RORA: variants seen among roughly 807,000 people sequenced by gnomAD.
The protein encoded by RORA is nuclear receptor ROR-alpha.
In RORA, 7 loss-of-function variants were observed where a neutral mutation model predicts 69.5. The ratio of observed to expected loss-of-function variants is 0.10; its 90% CI spans 0.06 to 0.19. The LOEUF is 0.19. RORA is among the 10% of genes least tolerant of loss of function. The pLI is 1.00. For missense variants in RORA, 457 were observed against 663.0 expected, an observed-to-expected ratio of 0.69 and a Z score of 3.41; for synonymous variants, 261 against 240.8, an observed-to-expected ratio of 1.08 and a Z score of -0.78.
At chr15:60,723,919 G>C (rs2071324658) in intron 1 of RORA, among the ~76,000 whole-genome samples, 1 of 152,198 alleles carries the variant, frequency 6.6e-6, no homozygotes, top group African/African-American at 2.4e-5. Context: ...AGATGGATCT[G>C]TGTGGCACGG....
intron 1 of RORA, among the ~76,000 whole-genome samples, chr15:60,841,371 C>T (rs547492283): frequency 3.7e-4 from 57 of 152,298 alleles, no homozygotes; most frequent in Middle Eastern, 3.4e-3. Flanking sequence ...GTGGCTGCCG[C>T]GGCCACAGCC....
At chr15:61,004,410 G>A (rs1894847579) in intron 1 of RORA, among the ~76,000 whole-genome samples, 1 of 149,400 alleles carries the variant, frequency 6.7e-6, no homozygotes, top group Admixed American at 6.7e-5. Flanking sequence ...AAATAAGCCT[G>A]CGACCTTTTG....
At chr15:60,561,057 T>G (rs975448302) in intron 2 of RORA, among the ~76,000 whole-genome samples, 10 of 110,774 alleles carry the variant, frequency 9.0e-5, no homozygotes, top group African/African-American at 3.0e-4. Context: ...TTAACTTGTG[T>G]TTTTTTTTTT....
At chr15:61,163,345 G>C (rs569935196) in intron 1 of RORA, among the ~76,000 whole-genome samples, 4 of 152,102 alleles carry the variant, frequency 2.6e-5, no homozygotes, top group African/African-American at 7.2e-5. Context: ...AGCGATCAGC[G>C]TCATGATGAG....
chr15:61,163,301 G>C (rs543778144), intron 1 of RORA, among the ~76,000 whole-genome samples: 7 of 152,298 alleles, frequency 4.6e-5, no homozygotes, highest in African/African-American at 1.7e-4. Flanking sequence ...CCGTGTTCCA[G>C]GAGACACCAG....
Position 60,490,404 on chromosome 15 carries a change from A to C in RORA, c.*7051T>G, listed in dbSNP as rs2065023363. 6.6e-6 allele frequency: 1 copy of C among 152,144 alleles called. No individual in the cohort carries two copies. The highest frequency in any genetic ancestry group is 1.5e-5 in the Non-Finnish European group (1 of 67,984). The allele number at this position is 152,144 out of a possible 1,614,324, so 9.4% of individuals were successfully genotyped here. A position where few individuals can be genotyped will look rare whatever the true frequency, so the allele number is the denominator to read the frequency against. ...TATTGTGGATTTGATAAACAGATAA[A>C]TATTTGCACTGAGTAGGCTGTTTAT... On this transcript the variant is annotated 3_prime_UTR_variant, in exon 11 of 11. Coordinates refer to ENST00000335670, the MANE Select transcript of RORA (RefSeq NM_134261.3). The surrounding 1 kb of genome is among the most constrained non-coding windows in gnomAD (Gnocchi z 4.1).
chr15:61,200,614 G>C (rs1049747674), intron 1 of RORA, among the ~76,000 whole-genome samples: 1 of 152,194 alleles, frequency 6.6e-6, no homozygotes, highest in Admixed American at 6.5e-5. Flanking sequence ...TTGGGGTTTT[G>C]TTCACAATTG....
intron 2 of RORA, among the ~76,000 whole-genome samples, chr15:60,610,386 C>A (rs972650982): frequency 6.6e-6 from 1 of 152,132 alleles, no homozygotes; most frequent in East Asian, 1.9e-4. Flanking sequence ...ATCTTTCTAG[C>A]ACATCTGCAA....
intron 1 of RORA, among the ~76,000 whole-genome samples, chr15:61,208,570 A>T (rs1159427942): frequency 2.6e-5 from 4 of 152,216 alleles, no homozygotes; most frequent in Admixed American, 6.5e-5. Context: ...TTCAATAATA[A>T]TTTTTTTAAA....
At chr15:60,870,176 A>T (rs529537630) in intron 1 of RORA, among the ~76,000 whole-genome samples, 1 of 152,352 alleles carries the variant, frequency 6.6e-6, no homozygotes, top group South Asian at 2.1e-4. Flanking sequence ...TACAGAAACC[A>T]GGTGCTATTT....
chr15:60,944,053 G>C (rs993325980), intron 1 of RORA, among the ~76,000 whole-genome samples: 1 of 151,654 alleles, frequency 6.6e-6, no homozygotes, highest in African/African-American at 2.4e-5. Context: ...TCAGTCAGTC[G>C]TCCATTATCA....
At chr15:60,884,035 C>T (rs553155672) in intron 1 of RORA, among the ~76,000 whole-genome samples, 9 of 152,276 alleles carry the variant, frequency 5.9e-5, no homozygotes, top group Admixed American at 4.6e-4. Context: ...AAATGAGATT[C>T]GTTGGTTATA....
chr15:60,847,599 C>T (rs576587268), intron 1 of RORA, among the ~76,000 whole-genome samples: 4 of 151,910 alleles, frequency 2.6e-5, no homozygotes, highest in Non-Finnish European at 2.9e-5. Flanking sequence ...ATGTAGCTGT[C>T]GAGCACTTGA....
chr15:60,635,978 G>T (rs2069831132), intron 2 of RORA, among the ~76,000 whole-genome samples: 1 of 152,106 alleles, frequency 6.6e-6, no homozygotes, highest in Non-Finnish European at 1.5e-5. Flanking sequence ...TGTGGTTGTG[G>T]TGGTAGCAGT....
intron 1 of RORA, among the ~76,000 whole-genome samples, chr15:60,886,342 T>C (rs544320437): frequency 3.2e-4 from 49 of 152,166 alleles, no homozygotes; most frequent in Non-Finnish European, 6.2e-4. Flanking sequence ...TGGGGGCCCC[T>C]GGATATGTTT....
chr15:61,212,616 T>G (rs1016757498), intron 1 of RORA, among the ~76,000 whole-genome samples: 1 of 152,168 alleles, frequency 6.6e-6, no homozygotes, highest in African/African-American at 2.4e-5. Flanking sequence ...GGTCTTGAAC[T>G]CCTGACCTCA....
At chr15:60,713,666 G>A (rs75974763) in intron 1 of RORA, among the ~76,000 whole-genome samples, 1 of 152,244 alleles carries the variant, frequency 6.6e-6, no homozygotes, top group East Asian at 1.9e-4. Flanking sequence ...CTGTGTTCCA[G>A]TCCCAATTCA....
At chr15:61,064,546 C>T (rs768609897) in intron 1 of RORA, among the ~76,000 whole-genome samples, 6 of 152,132 alleles carry the variant, frequency 3.9e-5, no homozygotes. Context: ...TGACCCTCCT[C>T]GCTCTATATT....
intron 1 of RORA, among the ~76,000 whole-genome samples, chr15:60,945,804 G>A (rs764366960): frequency 3.9e-5 from 6 of 152,208 alleles, no homozygotes; most frequent in Non-Finnish European, 7.3e-5. Flanking sequence ...TTCTGTTTGT[G>A]GGAAAGCCAG....
Sources: allele counts gnomAD v4.1 joint callset (sites outside exome capture counted in the v4.1 genomes callset), GRCh38; gene constraint gnomAD v4.1.1; non-coding constraint Gnocchi (gnomAD v3.1); transcripts MANE v1.5; gene names NCBI Gene and HGNC (gene_info 2026-07-23, HGNC 2026-07-21).